PPP3CA: variants seen among roughly 807,000 people sequenced by gnomAD.
The protein encoded by PPP3CA is protein phosphatase 3 catalytic subunit alpha, also known as CAM-PRP catalytic subunit.
Under a neutral mutation model 66.5 loss-of-function variants are expected in PPP3CA, and 14 were observed. The observed-to-expected ratio is 0.21, with a 90% confidence interval of 0.14 to 0.33. The LOEUF is 0.33. Among genes scored for constraint, PPP3CA ranks in the 10% least tolerant of loss-of-function variants. PPP3CA has a pLI of 1.00. For missense variants in PPP3CA, 317 were observed against 639.5 expected (o/e 0.50, Z 5.44); for synonymous variants, 232 against 226.2 (o/e 1.03, Z -0.23).
chr4:101,273,239 T>A lies in PPP3CA; in HGVS notation c.58+73500A>T, dbSNP rs554879698. 3.9e-5 allele frequency among the ~76,000 whole-genome samples: 6 copies of A among 152,276 alleles called. No homozygotes were observed. The South Asian group carries it at 1.2e-3, about 32-fold the overall frequency. ...AATGGTTTCTATTACTCTTAAAGAA[T>A]TAACACATTTTTCATTCAGAGATTC... On this transcript the variant is annotated intron_variant, in intron 1 of 13. Coordinates refer to ENST00000394854, the MANE Select transcript of PPP3CA (RefSeq NM_000944.5).
intron 2 of PPP3CA, among the ~76,000 whole-genome samples, chr4:101,147,881 C>T (rs1231584723): frequency 6.6e-6 from 1 of 152,084 alleles, no homozygotes; most frequent in African/African-American, 2.4e-5. Context: ...CTAGCTGTCA[C>T]AAGTGTCTAG....
At chr4:101,198,052 A>T (rs968180668) in intron 1 of PPP3CA, among the ~76,000 whole-genome samples, 1 of 152,250 alleles carries the variant, frequency 6.6e-6, no homozygotes, top group Non-Finnish European at 1.5e-5. Context: ...AGCTTATAGT[A>T]CAATAGATAC....
At chr4:101,155,570 GGA>G (rs1474786138) in intron 2 of PPP3CA, among the ~76,000 whole-genome samples, 1 of 152,182 alleles carries the variant, frequency 6.6e-6, no homozygotes, top group Non-Finnish European at 1.5e-5. Flanking sequence ...TGTTAAGCCA[GGA>G]GAGACAGTTC....
chr4:101,076,269 A>G (rs1012869101), intron 8 of PPP3CA, among the ~76,000 whole-genome samples: 2 of 151,664 alleles, frequency 1.3e-5, no homozygotes, highest in Non-Finnish European at 2.9e-5. Flanking sequence ...GTCAATATTG[A>G]TAGGATACTT....
chr4:101,090,887 T>C (rs1729898708), intron 6 of PPP3CA, among the ~76,000 whole-genome samples: 1 of 126,256 alleles, frequency 7.9e-6, no homozygotes, highest in Admixed American at 7.5e-5. Context: ...TATATTATAA[T>C]ATACACACAT....
chr4:101,303,884 C>T (rs1381242831), intron 1 of PPP3CA, among the ~76,000 whole-genome samples: 1 of 152,120 alleles, frequency 6.6e-6, no homozygotes, highest in Non-Finnish European at 1.5e-5. Flanking sequence ...ATTATCATGA[C>T]CACTCATAAT....
intron 2 of PPP3CA, among the ~76,000 whole-genome samples, chr4:101,124,719 AAGAAAGAGAAAGAAAGAAAGAAAG>A (rs1722162943): frequency 1.3e-5 from 1 of 79,652 alleles, no homozygotes; most frequent in African/African-American, 4.5e-5. Context: ...GAAAGAAAGA[AAGAAAGAGAAAGAAAGAAAGAAAG>A]AAAGAAAGAA....
At chr4:101,322,260 C>T (rs1016830227) in intron 1 of PPP3CA, among the ~76,000 whole-genome samples, 5 of 152,094 alleles carry the variant, frequency 3.3e-5, no homozygotes, top group African/African-American at 4.8e-5. Flanking sequence ...TCCTAACCAT[C>T]ATCTTGGAAA....
At chr4:101,184,739 C>A (rs1437948185) in intron 2 of PPP3CA, among the ~76,000 whole-genome samples, 1 of 152,118 alleles carries the variant, frequency 6.6e-6, no homozygotes, top group Non-Finnish European at 1.5e-5. Context: ...CTACACCTCA[C>A]AAGATTGCTC....
intron 2 of PPP3CA, among the ~76,000 whole-genome samples, chr4:101,167,684 C>T (rs1723736557): frequency 6.6e-6 from 1 of 152,100 alleles, no homozygotes; most frequent in African/African-American, 2.4e-5. Flanking sequence ...ACAGCTATCA[C>T]ACAGGGTGGT....
At chr4:101,081,207 T>C (rs954658730) in intron 7 of PPP3CA, among the ~76,000 whole-genome samples, 1 of 152,112 alleles carries the variant, frequency 6.6e-6, no homozygotes, top group Non-Finnish European at 1.5e-5. Flanking sequence ...ATGCAGTATA[T>C]ACAAGCATTT....
chr4:101,214,251 A>C (rs1725391223), intron 1 of PPP3CA, among the ~76,000 whole-genome samples: 1 of 151,182 alleles, frequency 6.6e-6, no homozygotes, highest in Non-Finnish European at 1.5e-5. Flanking sequence ...CCAGGACTGG[A>C]CAGTTGGGTA....
At chr4:101,144,177 C>G (rs977311065) in intron 2 of PPP3CA, among the ~76,000 whole-genome samples, 5 of 152,148 alleles carry the variant, frequency 3.3e-5, no homozygotes, top group African/African-American at 1.2e-4. Context: ...AGCCTTGCTC[C>G]CTCCAGCACT....
In PPP3CA at chr4:101,194,317, T is replaced by C. The variant is rs1382282967; in HGVS notation, c.259+1599A>G. Among the ~76,000 whole-genome samples the C allele has an allele frequency of 2.0e-5, 3 of 152,172 alleles. No homozygotes were observed. In the East Asian group the frequency reaches 5.8e-4, roughly 29 times the overall value. Reference sequence around the variant, plus strand: ...TGATACTCAAAAGAGCTTATCTCTTTCTTAACAGTCAAATTCAAATATTCA... The same window carrying C: ...TGATACTCAAAAGAGCTTATCTCTTCCTTAACAGTCAAATTCAAATATTCA... On this transcript the variant is annotated intron_variant, in intron 2 of 13. Coordinates refer to ENST00000394854, the MANE Select transcript of PPP3CA (RefSeq NM_000944.5).
At chr4:101,116,558 G>T (rs1219407840) in intron 2 of PPP3CA, among the ~76,000 whole-genome samples, 1 of 151,752 alleles carries the variant, frequency 6.6e-6, no homozygotes, top group Non-Finnish European at 1.5e-5. Flanking sequence ...CAGGGTTATG[G>T]AACCATAAGT....
chr4:101,197,001 A>C (rs1011360510), intron 1 of PPP3CA, among the ~76,000 whole-genome samples: 1 of 152,170 alleles, frequency 6.6e-6, no homozygotes, highest in Non-Finnish European at 1.5e-5. Context: ...ATTTGCAATA[A>C]ATGGCCAATA....
In PPP3CA at chr4:101,347,194, C is replaced by T. The variant is rs1330579849; in HGVS notation, c.-398G>A. The T allele has an allele frequency of 8.7e-6, 3 of 345,776 alleles. No homozygotes were observed. In the Admixed American group the frequency reaches 1.4e-4, roughly 16 times the overall value. 21.4% of individuals were successfully genotyped at this position (345,776 alleles called of 1,614,324 possible). A position where few individuals can be genotyped will look rare whatever the true frequency, so the allele number is the denominator to read the frequency against. ...GCACCGCGGAATGGAGCCCCACGCGCGCACACACGGCCAGGATTAAGACCG... is the reference window on the plus strand; with the variant it reads ...GCACCGCGGAATGGAGCCCCACGCGTGCACACACGGCCAGGATTAAGACCG... On this transcript the variant is annotated 5_prime_UTR_variant, in exon 1 of 14. Coordinates refer to ENST00000394854, the MANE Select transcript of PPP3CA (RefSeq NM_000944.5).
At chr4:101,033,713 C>CCAT (rs2110206654) in intron 11 of PPP3CA, among the ~76,000 whole-genome samples, 1 of 152,252 alleles carries the variant, frequency 6.6e-6, no homozygotes, top group South Asian at 2.1e-4. Context: ...AGTTGTACAA[C>CCAT]CATCACCATA....
At chr4:101,157,943 A>G (rs1475940028) in intron 2 of PPP3CA, among the ~76,000 whole-genome samples, 1 of 151,742 alleles carries the variant, frequency 6.6e-6, no homozygotes, top group Non-Finnish European at 1.5e-5. Flanking sequence ...ATTCATGTCT[A>G]AAAGCTACAA....
Sources: allele counts gnomAD v4.1 joint callset (sites outside exome capture counted in the v4.1 genomes callset), GRCh38; gene constraint gnomAD v4.1.1; transcripts MANE v1.5; gene names NCBI Gene and HGNC (gene_info 2026-07-23, HGNC 2026-07-21).